The following HDAC2 variants were observed in gnomAD, a reference collection of about 807,000 sequenced individuals.
HDAC2 encodes the protein histone deacetylase 2, also known as YY1-associated factor 1.
HDAC2 carries 5 observed loss-of-function variants against 68.5 expected under a neutral mutation model. That is an observed-to-expected ratio of 0.07 (90% CI 0.04 to 0.15). The LOEUF (loss-of-function observed/expected upper bound fraction) is 0.15. Among genes scored for constraint, HDAC2 ranks in the 10% least tolerant of loss-of-function variants. The pLI is 1.00. For missense variants in HDAC2, 291 were observed against 600.8 expected, an observed-to-expected ratio of 0.48 and a Z score of 5.39; for synonymous variants, 182 against 191.3, an observed-to-expected ratio of 0.95 and a Z score of 0.40.
At chr6:113,970,481 T>C (rs1174028256) in intron 1 of HDAC2, 2 of 1,105,588 alleles carry the variant, frequency 1.8e-6, no homozygotes, top group Non-Finnish European at 2.2e-6. Context: ...ACCCCAAACC[T>C]GCGTTGCCAC....
intron 1 of HDAC2, among the ~76,000 whole-genome samples, chr6:113,963,075 G>A (rs192790074): frequency 6.6e-6 from 1 of 150,676 alleles, no homozygotes; most frequent in East Asian, 2.0e-4. Flanking sequence ...TGGCTACTTT[G>A]TAGGCATCCA....
chr6:113,954,701 GTTTA>G (rs1480918569), intron 5 of HDAC2, among the ~76,000 whole-genome samples: 1 of 152,206 alleles, frequency 6.6e-6, no homozygotes, highest in African/African-American at 2.4e-5. Context: ...CTCAATCACT[GTTTA>G]TTTGAGGAGT....
chr6:113,942,449 G>C (rs1227307811), intron 12 of HDAC2, among the ~76,000 whole-genome samples: 1 of 106,936 alleles, frequency 9.4e-6, no homozygotes, highest in Non-Finnish European at 2.0e-5. Context: ...AAAAAAAAAA[G>C]CTGGCTTATT....
At chr6:113,948,697 T>A (rs1776323732) in intron 8 of HDAC2, 1 of 322,436 alleles carries the variant, frequency 3.1e-6, no homozygotes, top group South Asian at 8.9e-5. Context: ...AAAGTATGCA[T>A]GTTTTATTTA....
chr6:113,939,865 G>A lies in HDAC2; in HGVS notation c.*1193C>T, dbSNP rs929911958. The stretch of plus-strand genomic sequence containing the variant: ...TTGTGAATGTCTGAAACATTTAAGA[G>A]GCTTGTAGAGAAATATTTTTTCTTT... On this transcript the variant is annotated 3_prime_UTR_variant, in exon 14 of 14. Transcript: ENST00000519065. 11 of 152,142 alleles carry A rather than the reference G, an allele frequency of 7.2e-5. No individual in the cohort carries two copies. Among genetic ancestry groups the A allele is most frequent in the Non-Finnish European group, 1.0e-4 (7 of 68,032 alleles). The allele number at this position is 152,142 out of a possible 1,614,324, so 9.4% of individuals were successfully genotyped here.
intron 12 of HDAC2, among the ~76,000 whole-genome samples, chr6:113,942,657 T>C (rs1308517235): frequency 6.6e-6 from 1 of 152,136 alleles, no homozygotes; most frequent in Admixed American, 6.5e-5. Context: ...CAGCTCAGTC[T>C]AGTAGGGAGA....
Position 113,938,220 on chromosome 6 carries a change from T to C in HDAC2, c.*2838A>G, listed in dbSNP as rs1776049511. The C allele has an allele frequency of 6.6e-6, 1 of 152,114 alleles. No individual in the cohort carries two copies. Among genetic ancestry groups the C allele is most frequent in the South Asian group, 2.1e-4 (1 of 4,824 alleles). The allele number at this position is 152,114 out of a possible 1,614,324, so 9.4% of individuals were successfully genotyped here. ...AAATAAGTCTCTCTATAGCTTTTTA[T>C]TTACTGAGGTTAAAGATCTTTTCAT... On this transcript the variant is annotated 3_prime_UTR_variant, in exon 14 of 14. Transcript: ENST00000519065.
Position 113,940,957 on chromosome 6 carries a change from CA to C in HDAC2, c.*100del, listed in dbSNP as rs1209762526. The C allele has an allele frequency of 3.4e-6, 3 of 878,228 alleles. No individual in the cohort carries two copies. In the African/African-American group the frequency reaches 5.1e-5, roughly 15 times the overall value. 54.4% of individuals were successfully genotyped at this position (878,228 alleles called of 1,614,324 possible). A position where few individuals can be genotyped will look rare whatever the true frequency, so the allele number is the denominator to read the frequency against. On this transcript the variant is annotated 3_prime_UTR_variant, in exon 14 of 14. Coordinates refer to ENST00000519065, the MANE Select transcript of HDAC2 (RefSeq NM_001527.4). ...ATTTGAAAATAAATACAGTCCATGC[CA>C]AAGTAGTATAAAATGAAGCCAGAAG...
At chr6:113,964,923 T>G (rs1776776487) in intron 1 of HDAC2, among the ~76,000 whole-genome samples, 1 of 152,216 alleles carries the variant, frequency 6.6e-6, no homozygotes, top group Non-Finnish European at 1.5e-5. Flanking sequence ...ACTCCATTTC[T>G]AATCCATCAA....
chr6:113,961,304 T>C (rs1776678085), intron 1 of HDAC2, among the ~76,000 whole-genome samples: 1 of 152,172 alleles, frequency 6.6e-6, no homozygotes, highest in African/African-American at 2.4e-5. Context: ...TCCTACATAT[T>C]TGATAACAGT....
rs762765637 is a variant in HDAC2, at chr6:113,945,996, G to A, written c.982+12C>T. 1.1e-5 allele frequency: 18 copies of A among 1,602,742 alleles called. No homozygotes were observed. Among genetic ancestry groups the A allele is most frequent in the Non-Finnish European group, 2.6e-6 (3 of 1,170,088 alleles). On this transcript the variant is annotated intron_variant, in intron 9 of 13. Transcript: ENST00000519065. The stretch of plus-strand genomic sequence containing the variant: ...GTTCATACAATAAAGATATTGTAAT[G>A]AGAACACTTACCATTGGGAATCTCA...
At chr6:113,955,747 G>A (rs1475268266) in intron 5 of HDAC2, among the ~76,000 whole-genome samples, 2 of 152,074 alleles carry the variant, frequency 1.3e-5, no homozygotes, top group African/African-American at 4.8e-5. Context: ...CTGGGCTCAA[G>A]AGATCCGCCC....
At chr6:113,957,102 A>G (rs9488290) in intron 3 of HDAC2, 186 of 157,738 alleles carry the variant, frequency 1.2e-3, no homozygotes, top group African/African-American at 4.3e-3. Context: ...AATACCTATA[A>G]TATCTGTAAC....
In HDAC2 at chr6:113,961,154, T is replaced by C. The variant is rs559907269; in HGVS notation, c.53-1136A>G. Among the ~76,000 whole-genome samples, 5 of 152,282 alleles carry C rather than the reference T, an allele frequency of 3.3e-5. No homozygotes were observed. In the South Asian group the frequency reaches 1.0e-3, roughly 32 times the overall value. ...AGCTATTTTAATGGTTTGAAGTCTA[T>C]CATTTCAACACGGGTTTATATATTA... On this transcript the variant is annotated intron_variant, in intron 1 of 13. Transcript: ENST00000519065.
intron 12 of HDAC2, among the ~76,000 whole-genome samples, chr6:113,942,681 G>A (rs1237171100): frequency 3.9e-5 from 6 of 152,118 alleles, no homozygotes; most frequent in Admixed American, 6.5e-5. Flanking sequence ...AATCCTGTGA[G>A]GTGCTATAAT....
chr6:113,965,514 A>C (rs924733700), intron 1 of HDAC2, among the ~76,000 whole-genome samples: 1 of 151,878 alleles, frequency 6.6e-6, no homozygotes. Context: ...GATTACAGGC[A>C]CCCGTCACCA....
rs1775979059 is a variant in HDAC2, at chr6:113,935,293, A to AT, written c.*5764dup. On this transcript the variant is annotated 3_prime_UTR_variant, in exon 14 of 14. Coordinates refer to ENST00000519065, the MANE Select transcript of HDAC2 (RefSeq NM_001527.4). ...AAATTCTTGTCTTTTTAAATCAAAC[A>AT]TTATTTGTTGCCAGAAGTGTAATGA... 6.6e-6 allele frequency: 1 copy of AT among 152,208 alleles called. No individual in the cohort carries two copies. Among genetic ancestry groups the AT allele is most frequent in the African/African-American group, 2.4e-5 (1 of 41,450 alleles). 9.4% of individuals were successfully genotyped at this position (152,208 alleles called of 1,614,324 possible).
chr6:113,955,602 C>T (rs2114607541), intron 5 of HDAC2, among the ~76,000 whole-genome samples: 1 of 152,250 alleles, frequency 6.6e-6, no homozygotes, highest in South Asian at 2.1e-4. Flanking sequence ...CCTGCAGACT[C>T]AACTTCCTGG....
At chr6:113,942,956 T>C (rs1454322958) in intron 12 of HDAC2, among the ~76,000 whole-genome samples, 1 of 152,184 alleles carries the variant, frequency 6.6e-6, no homozygotes, top group Non-Finnish European at 1.5e-5. Flanking sequence ...TCTAAGGATA[T>C]GTAACTCTTC....
Sources: allele counts gnomAD v4.1 joint callset (sites outside exome capture counted in the v4.1 genomes callset), GRCh38; gene constraint gnomAD v4.1.1; transcripts MANE v1.5; gene names NCBI Gene and HGNC (gene_info 2026-07-23, HGNC 2026-07-21).